Variants in MEGF8 observed in about 807,000 individuals in gnomAD.
MEGF8 encodes the protein multiple EGF like domains 8.
A neutral mutation model predicts 302.9 loss-of-function variants in MEGF8; 156 were observed. The ratio of observed to expected loss-of-function variants is 0.52; its 90% CI spans 0.45 to 0.59. MEGF8 has a LOEUF of 0.59. Among genes scored for constraint, MEGF8 ranks in the 20% least tolerant of loss-of-function variants. MEGF8 has a pLI of 0.00. For missense variants in MEGF8, 3,345 were observed against 3,964.5 expected (o/e 0.84, Z 4.20); for synonymous variants, 1,621 against 1,660.5 (o/e 0.98, Z 0.58).
intron 35 of MEGF8, among the ~76,000 whole-genome samples, chr19:42,365,045 A>G (rs1369050099): frequency 2.0e-5 from 3 of 152,154 alleles, no homozygotes; most frequent in African/African-American, 7.2e-5. Flanking sequence ...TGGCTGCGGG[A>G]GTTCCCCATG....
At chr19:42,342,140 C>T (rs2039223596) in intron 8 of MEGF8, among the ~76,000 whole-genome samples, 1 of 152,218 alleles carries the variant, frequency 6.6e-6, no homozygotes, top group Non-Finnish European at 1.5e-5. Flanking sequence ...TGGTCCCCTT[C>T]ACTGGGCAGG....
At position 42,337,071 on chromosome 19, in the gene MEGF8, C is replaced by A. The variant is rs1568557819; in HGVS notation, c.1391-13C>A. ...CTAGGCTTGCCAGCTATGCCCCTTT[C>A]CTCCATTCCCAGGGGGCAATGTGCA... On this transcript the variant is annotated splice_polypyrimidine_tract_variant and intron_variant, in intron 7 of 41. Transcript: ENST00000251268. The A allele has an allele frequency of 6.2e-7, 1 of 1,613,738 alleles. No individual in the cohort carries two copies. The highest frequency in any genetic ancestry group is 2.2e-5 in the East Asian group (1 of 44,874).
At chr19:42,349,216 C>T (rs570062907) in intron 13 of MEGF8, among the ~76,000 whole-genome samples, 8 of 150,834 alleles carry the variant, frequency 5.3e-5, no homozygotes, top group Non-Finnish European at 8.8e-5. Flanking sequence ...GGGAGGATCA[C>T]TTGAACCTGG....
rs761765707 is a variant in MEGF8 at position 42,351,260 on chromosome 19, C to T, written c.2781C>T (p.Asp927=). The change falls in exon 16 of 42, where the codon GAC becomes GAT. Residue 927 remains aspartate, a synonymous_variant. Coordinates refer to ENST00000251268, the MANE Select transcript of MEGF8 (RefSeq NM_001271938.2). This position sits in a 1 kb window ranked among gnomAD's most constrained non-coding sequence, Gnocchi z 5.6. ...ATCAGAGCACCAGCCGCAAAGGGGACGCGGCATGCAGCCGGCGGGGCCGGG... is the reference window on the plus strand; with the variant it reads ...ATCAGAGCACCAGCCGCAAAGGGGATGCGGCATGCAGCCGGCGGGGCCGGG... ...EWHQSTSRKG[D]AACSRRGRGR... The T allele has an allele frequency of 1.4e-5, 22 of 1,572,580 alleles. No individual in the cohort carries two copies. Among genetic ancestry groups the T allele is most frequent in the Middle Eastern group, 3.3e-4 (2 of 6,028 alleles).
At chr19:42,365,603 CAAA>C (rs549607065) in intron 35 of MEGF8, among the ~76,000 whole-genome samples, 1 of 53,070 alleles carries the variant, frequency 1.9e-5, no homozygotes, top group Non-Finnish European at 4.0e-5. Flanking sequence ...CTCATCTCTA[CAAA>C]AAAAAAAAAA....
intron 1 of MEGF8, among the ~76,000 whole-genome samples, chr19:42,329,477 G>A (rs769870226): frequency 6.8e-4 from 103 of 152,088 alleles, no homozygotes; most frequent in Non-Finnish European, 1.4e-3. Flanking sequence ...GAGGCTGGGA[G>A]ACCTCCAGAT....
chr19:42,353,414 C>A lies in MEGF8; in HGVS notation c.3551-51C>A. The A allele has an allele frequency of 1.9e-6, 3 of 1,577,124 alleles. No homozygotes were observed. Among genetic ancestry groups the A allele is most frequent in the Non-Finnish European group, 2.6e-6 (3 of 1,160,770 alleles). Reference sequence around the variant, plus strand: ...GTTTAGCTGAGCCAGTAGGCCTGGGCCTGTTTCCACCCTTGACTTGACTCT... The same window carrying A: ...GTTTAGCTGAGCCAGTAGGCCTGGGACTGTTTCCACCCTTGACTTGACTCT... On this transcript the variant is annotated intron_variant, in intron 20 of 41. Transcript: ENST00000251268. This position sits in a 1 kb window ranked among gnomAD's most constrained non-coding sequence, Gnocchi z 6.1.
chr19:42,355,629 C>T, intron 23 of MEGF8, 129 bp from the exon 24 acceptor site: 1 of 1,334,228 alleles, frequency 7.5e-7, no homozygotes, highest in South Asian at 1.6e-5. Context: ...ATGGTTCATC[C>T]TGGCGATGAT....
chr19:42,362,222 T>TG lies in MEGF8; in HGVS notation c.5844+13dup. On this transcript the variant is annotated intron_variant, in intron 33 of 41. Transcript: ENST00000251268. ...AACCTGGAGATGGAGAGGTGAGTGGTGGGGAAGGCAGGGATGAGAAGCAGC... is the reference window on the plus strand; with the variant it reads ...AACCTGGAGATGGAGAGGTGAGTGGTGGGGGAAGGCAGGGATGAGAAGCAGC... 3 of 1,610,268 alleles carry TG rather than the reference T, an allele frequency of 1.9e-6. No individual in the cohort carries two copies. The highest frequency in any genetic ancestry group is 2.5e-6 in the Non-Finnish European group (3 of 1,179,280).
In MEGF8 at chr19:42,351,750, C is replaced by T. The variant is rs1393989254; in HGVS notation, c.3090C>T (p.Pro1030=). ...ECGWCGNEDN[P]TLGRCLQGDF... ...GCTGGTGTGGCAATGAGGACAACCC[C>T]ACACTGGGACGGTGAGCCCGGGCAG... is the stretch of plus-strand genomic sequence containing the variant. Residue 1030 remains proline (P), a synonymous_variant, in exon 18 of 42, where the codon CCC becomes CCT. Coordinates refer to ENST00000251268, the MANE Select transcript of MEGF8 (RefSeq NM_001271938.2). This position sits in a 1 kb window ranked among gnomAD's most constrained non-coding sequence, Gnocchi z 5.6. The T allele has an allele frequency of 1.9e-6, 3 of 1,577,914 alleles. No individual in the cohort carries two copies. In the African/African-American group the frequency reaches 4.1e-5, roughly 21 times the overall value.
At position 42,354,041 on chromosome 19, in the gene MEGF8, C is replaced by T. The variant is rs1326567218; in HGVS notation, c.4011+17C>T. On this transcript the variant is annotated intron_variant, in intron 22 of 41. Transcript: ENST00000251268. This position sits in a 1 kb window ranked among gnomAD's most constrained non-coding sequence, Gnocchi z 4.3. ...CCCTGCACGGTGAGCACTGAGGAAA[C>T]GAGGGTTCAGGCGCATGAGCCAGAA... 7.0e-6 allele frequency: 11 copies of T among 1,582,612 alleles called. No individual in the cohort carries two copies. Among genetic ancestry groups the T allele is most frequent in the Non-Finnish European group, 9.4e-6 (11 of 1,165,694 alleles).
chr19:42,376,543 C>G lies in MEGF8; in HGVS notation c.8306C>G (p.Thr2769Ser), dbSNP rs773956907. 1.3e-6 allele frequency: 2 copies of G among 1,561,092 alleles called. No homozygotes were observed. The highest frequency in any genetic ancestry group is 1.4e-5 in the African/African-American group (1 of 73,490). Residue 2769 changes from threonine (T) to serine (S), a missense_variant, in exon 42 of 42, where the codon ACT (threonine) becomes AGT (serine). Thr to Ser is a moderately conservative substitution (Grantham distance 58, BLOSUM62 1). Transcript: ENST00000251268. This position sits in a 1 kb window ranked among gnomAD's most constrained non-coding sequence, Gnocchi z 8.2. ...TTAGLRAGPI[T>S]LEPTEDGMAG... ...GCTGGGCTGCGAGCTGGGCCCATCACTCTCGAGCCCACAGAAGATGGCATG... is the reference window on the plus strand; with the variant it reads ...GCTGGGCTGCGAGCTGGGCCCATCAGTCTCGAGCCCACAGAAGATGGCATG...
In MEGF8 at chr19:42,348,309, C is replaced by A; in HGVS notation, c.2135C>A (p.Pro712His). 6.5e-7 allele frequency: 1 copy of A among 1,537,578 alleles called. No homozygotes were observed. The highest frequency in any genetic ancestry group is 8.7e-7 in the Non-Finnish European group (1 of 1,146,986). The change falls in exon 13 of 42, where the codon CCC (proline) becomes CAC (histidine). Residue 712 changes from proline (P) to histidine (H), a missense_variant. Pro to His is a moderately conservative substitution (Grantham distance 77). Coordinates refer to ENST00000251268, the MANE Select transcript of MEGF8 (RefSeq NM_001271938.2). ...CGCAGCACGACCATCACCCTAACAC[C>A]CAGCGCAGAGACAGATGTGTCCCTG... is the stretch of plus-strand genomic sequence containing the variant. ...IVRSTTITLT[P>H]SAETDVSLVY...
intron 35 of MEGF8, among the ~76,000 whole-genome samples, chr19:42,365,403 A>G (rs2039589903): frequency 6.6e-6 from 1 of 151,982 alleles, no homozygotes; most frequent in South Asian, 2.1e-4. Context: ...CCAGATGAGC[A>G]TTGTTGATGG....
chr19:42,336,089 G>A lies in MEGF8; in HGVS notation c.987G>A (p.Ser329=), dbSNP rs371526577. The A allele has an allele frequency of 1.6e-5, 25 of 1,601,258 alleles. No homozygotes were observed. The highest frequency in any genetic ancestry group is 1.6e-4 in the Middle Eastern group (1 of 6,072). The change falls in exon 6 of 42, where the codon TCG becomes TCA. Residue 329 remains serine (S), a synonymous_variant. Transcript: ENST00000251268. The surrounding 1 kb of genome is among the most constrained non-coding windows in gnomAD (Gnocchi z 4.8). ...TGGCACCACCTGCCTCCAGCTCCTCGGGGCCCCCAGGCCTGGCAGGTCACG... is the reference window on the plus strand; with the variant it reads ...TGGCACCACCTGCCTCCAGCTCCTCAGGGCCCCCAGGCCTGGCAGGTCACG... The part of the protein sequence containing the change: ...ELLAPPASSS[S]GPPGLAGHAA...
chr19:42,354,159 T>G lies in MEGF8; in HGVS notation c.4011+135T>G. The G allele has an allele frequency of 9.1e-7, 1 of 1,096,574 alleles. No homozygotes were observed. The highest frequency in any genetic ancestry group is 1.3e-6 in the Non-Finnish European group (1 of 794,096). The allele number at this position is 1,096,574 out of a possible 1,614,324, so 67.9% of individuals were successfully genotyped here. On this transcript the variant is annotated intron_variant, in intron 22 of 41. Transcript: ENST00000251268. The surrounding 1 kb of genome is among the most constrained non-coding windows in gnomAD (Gnocchi z 4.3). The stretch of plus-strand genomic sequence containing the variant: ...TTTTTTAATCCTTCAAAACCCAAAC[T>G]CCTCCTCAGATCCCCAGCACTTTGT...
Position 42,335,302 on chromosome 19 carries a change from G to A in MEGF8, c.745G>A (p.Asp249Asn). The A allele has an allele frequency of 6.2e-7, 1 of 1,614,060 alleles. No individual in the cohort carries two copies. Among genetic ancestry groups the A allele is most frequent in the Non-Finnish European group, 8.5e-7 (1 of 1,179,900 alleles). Residue 249 changes from aspartate (D) to asparagine (N), a missense_variant, in exon 5 of 42, where the codon GAC (aspartate) becomes AAC (asparagine). By Grantham distance (23) the Asp-to-Asn change is conservative (BLOSUM62 1). Transcript: ENST00000251268. Reference protein sequence around the residue: ...PGLLAVFGGQDLNNALGDLVL... With the variant: ...PGLLAVFGGQNLNNALGDLVL... ...GACTATCCACCCCTCCACAGGCCAGGACCTCAACAATGCCCTGGGTGACCT... is the reference window on the plus strand; with the variant it reads ...GACTATCCACCCCTCCACAGGCCAGAACCTCAACAATGCCCTGGGTGACCT...
intron 8 of MEGF8, among the ~76,000 whole-genome samples, chr19:42,341,429 C>CAAAA (rs35096733): frequency 1.8e-5 from 1 of 56,936 alleles, no homozygotes; most frequent in African/African-American, 5.7e-5. Context: ...ACTCCATCTC[C>CAAAA]AAAAAAAAAA....
chr19:42,358,683 C>T lies in MEGF8; in HGVS notation c.5176-104C>T. The T allele has an allele frequency of 7.5e-7, 1 of 1,339,860 alleles. No individual in the cohort carries two copies. The highest frequency in any genetic ancestry group is 1.0e-6 in the Non-Finnish European group (1 of 1,001,406). 83.0% of individuals were successfully genotyped at this position (1,339,860 alleles called of 1,614,324 possible). ...GCCCTGTCTGCACTGGTTAGAGAGG[C>T]TGGTGGTTTCAGTCCACACGTTTCC... On this transcript the variant is annotated intron_variant, in intron 29 of 41. Transcript: ENST00000251268. The surrounding 1 kb of genome is among the most constrained non-coding windows in gnomAD (Gnocchi z 4.4).
Sources: allele counts gnomAD v4.1 joint callset (sites outside exome capture counted in the v4.1 genomes callset), GRCh38; gene constraint gnomAD v4.1.1; non-coding constraint Gnocchi (gnomAD v3.1); transcripts MANE v1.5; gene names NCBI Gene and HGNC (gene_info 2026-07-23, HGNC 2026-07-21).